Variants in SC5D observed in about 807,000 individuals in gnomAD.
The protein encoded by SC5D is sterol-C5-desaturase, also known as lathosterol oxidase.
SC5D carries 21 observed loss-of-function variants against 23.9 expected under a neutral mutation model. That is an observed-to-expected ratio of 0.88 (90% confidence interval 0.62 to 1.26). The LOEUF is 1.26. Ranked by LOEUF, SC5D falls within the 50% of genes most tolerant of loss-of-function variation. The probability of loss-of-function intolerance (pLI) is 0.00; values close to 1 mark genes in which losing one functional copy is unlikely to be tolerated. For missense variants in SC5D, 309 were observed against 364.8 expected, an observed-to-expected ratio of 0.85 and a Z score of 1.25; for synonymous variants, 113 against 125.9, an observed-to-expected ratio of 0.90 and a Z score of 0.68.
rs182670074 is a variant in SC5D, at chr11:121,310,662, G to A, written c.*3150G>A. The stretch of plus-strand genomic sequence containing the variant: ...TTTTTAGTAGAGATGGGGTTTCACC[G>A]TGTTAGCCAGGATGGTCTTGATCTC... On this transcript the variant is annotated 3_prime_UTR_variant, in exon 5 of 5. Transcript: ENST00000264027. 3.9e-5 allele frequency among the ~76,000 whole-genome samples: 6 copies of A among 152,004 alleles called. No homozygotes were observed. Among genetic ancestry groups the A allele is most frequent in the South Asian group, 2.1e-4 (1 of 4,812 alleles).
Position 121,307,186 on chromosome 11 carries a change from G to A in SC5D, c.574G>A (p.Val192Met), listed in dbSNP as rs773269151. The A allele has an allele frequency of 6.2e-7, 1 of 1,613,944 alleles. No individual in the cohort carries two copies. The highest frequency in any genetic ancestry group is 1.7e-5 in the Admixed American group (1 of 59,988). The change falls in exon 5 of 5, where the codon GTG (valine) becomes ATG (methionine). Residue 192 changes from valine to methionine, a missense_variant. By Grantham distance (21) the Val-to-Met change is conservative (BLOSUM62 1). Transcript: ENST00000264027. ...CCCTTTTATCTTTCCATTACACAAG[G>A]TGGTTTATTTAAGTCTGTACATCTT... ...IYPFIFPLHK[V>M]VYLSLYILVN...
At chr11:121,301,785 CAAAA>C (rs1284734177) in intron 1 of SC5D, among the ~76,000 whole-genome samples, 2 of 150,750 alleles carry the variant, frequency 1.3e-5, no homozygotes, top group African/African-American at 2.4e-5. Context: ...TCTTTAAAAA[CAAAA>C]AAAGGAGGAG....
In SC5D at chr11:121,293,997, A is replaced by G. The variant is rs544145527; in HGVS notation, c.-11+1181A>G. ...TAAAGTGGGGAGCATAGAAGTACCT[A>G]TCTCATAGAGGTATAGGGATTAGAT... On this transcript the variant is annotated intron_variant, in intron 1 of 4. Transcript: ENST00000264027. Among the ~76,000 whole-genome samples the G allele has an allele frequency of 4.6e-5, 7 of 152,332 alleles. No individual in the cohort carries two copies. The East Asian group carries it at 5.8e-4, about 13-fold the overall frequency.
rs113100154 is a variant in SC5D, at chr11:121,296,238, G to C, written c.-11+3422G>C. On this transcript the variant is annotated intron_variant, in intron 1 of 4. Coordinates refer to ENST00000264027, the MANE Select transcript of SC5D (RefSeq NM_006918.5). ...TCTGATTGTATCTTTTTCCTACCTA[G>C]AAATCTTTAGTGTCTCCTCATAGCG... is the stretch of plus-strand genomic sequence containing the variant. Among the ~76,000 whole-genome samples the C allele has an allele frequency of 2.0e-3, 297 of 152,226 alleles. 2 individuals are homozygous for C. The highest frequency in any genetic ancestry group is 5.5e-3 in the African/African-American group (227 of 41,542).
At chr11:121,306,768 G>A (rs564467992) in intron 4 of SC5D, 87 of 615,898 alleles carry the variant, frequency 1.4e-4, no homozygotes, top group African/African-American at 1.3e-3. Flanking sequence ...GAGGAGTGAG[G>A]GATGAGACGC....
chr11:121,304,294 C>T (rs762503690), intron 2 of SC5D, 67 bp from the exon 3 acceptor site: 3 of 1,454,010 alleles, frequency 2.1e-6, no homozygotes, highest in Non-Finnish European at 1.9e-6. Context: ...CAGTCCAGAA[C>T]AGTTTTATGC....
chr11:121,300,380 G>A (rs982632840), intron 1 of SC5D, among the ~76,000 whole-genome samples: 1 of 152,126 alleles, frequency 6.6e-6, no homozygotes, highest in African/African-American at 2.4e-5. Context: ...TGGATGGAAG[G>A]TACAGAATAG....
chr11:121,306,409 A>T lies in SC5D; in HGVS notation c.367A>T (p.Ile123Leu), dbSNP rs138907200. The change falls in exon 4 of 5, where the codon ATA (isoleucine) becomes TTA (leucine). Residue 123 changes from isoleucine (I) to leucine (L), a missense_variant. Ile to Leu is a conservative substitution (Grantham distance 5). Transcript: ENST00000264027. ...PYGLFELVVS[I>L]ISFLFFTDMF... ...AGGATTGTTTGAACTTGTCGTTAGT[A>T]TAATATCTTTCCTCTTTTTCACTGA... 18 of 1,573,946 alleles carry T rather than the reference A, an allele frequency of 1.1e-5. No individual in the cohort carries two copies. The highest frequency in any genetic ancestry group is 1.6e-5 in the Non-Finnish European group (18 of 1,143,710).
At chr11:121,300,064 A>T (rs1947915502) in intron 1 of SC5D, among the ~76,000 whole-genome samples, 1 of 152,216 alleles carries the variant, frequency 6.6e-6, no homozygotes, top group Non-Finnish European at 1.5e-5. Flanking sequence ...CCTGTATTAT[A>T]AAAAAGGAGA....
chr11:121,296,991 A>G (rs1033686859), intron 1 of SC5D, among the ~76,000 whole-genome samples: 11 of 152,220 alleles, frequency 7.2e-5, no homozygotes, highest in Non-Finnish European at 1.0e-4. Context: ...TTCTAAATAT[A>G]TGGAATGATG....
chr11:121,304,605 T>C, intron 3 of SC5D, 112 bp downstream of exon 3: 8 of 946,140 alleles, frequency 8.5e-6, no homozygotes, highest in Non-Finnish European at 1.3e-5. Context: ...TTACAAATTA[T>C]TCAGTTGTTT....
At position 121,297,624 on chromosome 11, in the gene SC5D, A is replaced by G. The variant is rs557166174; in HGVS notation, c.-11+4808A>G. On this transcript the variant is annotated intron_variant, in intron 1 of 4. Coordinates refer to ENST00000264027, the MANE Select transcript of SC5D (RefSeq NM_006918.5). ...GGGAACTACCACCACATGTGACTTAAAGAATAGAAAAACAGATCGTGGACG... is the reference window on the plus strand; with the variant it reads ...GGGAACTACCACCACATGTGACTTAGAGAATAGAAAAACAGATCGTGGACG... Among the ~76,000 whole-genome samples the G allele has an allele frequency of 7.9e-5, 12 of 152,326 alleles. 1 individual carries two copies. In the South Asian group the frequency reaches 2.3e-3, roughly 29 times the overall value.
intron 1 of SC5D, among the ~76,000 whole-genome samples, chr11:121,296,021 G>A (rs978661580): frequency 3.9e-5 from 6 of 152,122 alleles, no homozygotes; most frequent in Admixed American, 3.3e-4. Context: ...GCTTCTCACC[G>A]ATAACCCATA....
chr11:121,297,086 T>C (rs1213949189), intron 1 of SC5D, among the ~76,000 whole-genome samples: 1 of 152,226 alleles, frequency 6.6e-6, no homozygotes, highest in East Asian at 1.9e-4. Context: ...GAAAGTTTGA[T>C]GATATCCCCT....
intron 1 of SC5D, among the ~76,000 whole-genome samples, chr11:121,293,778 G>T (rs1280795891): frequency 6.6e-6 from 1 of 152,086 alleles, no homozygotes; most frequent in Non-Finnish European, 1.5e-5. Flanking sequence ...TTTTCCATTC[G>T]TTATGTAATG....
chr11:121,296,758 G>A (rs1277680633), intron 1 of SC5D, among the ~76,000 whole-genome samples: 2 of 152,174 alleles, frequency 1.3e-5, no homozygotes, highest in African/African-American at 4.8e-5. Context: ...ACAATGGCAT[G>A]TATGATGAGG....
chr11:121,306,256 T>C (rs982205426), intron 3 of SC5D, 130 bp from the exon 4 acceptor site: 14 of 686,442 alleles, frequency 2.0e-5, no homozygotes, highest in Admixed American at 1.7e-4. Context: ...ATATACTGAA[T>C]TAGCCAGAAC....
chr11:121,304,287 T>G (rs1947946425), intron 2 of SC5D, 74 bp from the exon 3 acceptor site: 2 of 1,407,532 alleles, frequency 1.4e-6, no homozygotes. Flanking sequence ...AAAAATCCAG[T>G]CCAGAACAGT....
rs1565568906 is a variant in SC5D at position 121,303,491 on chromosome 11, A to G, written c.116A>G (p.Asn39Ser). The G allele has an allele frequency of 1.2e-6, 2 of 1,613,974 alleles. No individual in the cohort carries two copies. Among genetic ancestry groups the G allele is most frequent in the East Asian group, 2.2e-5 (1 of 44,860 alleles). ...GCTATTAGTCTTCTGATTGTAACAA[A>G]TGTTGGTGCTTACATCCTTTATTTC... ...RQAISLLIVT[N>S]VGAYILYFFC... is the part of the protein sequence containing the mutation. Residue 39 changes from asparagine to serine, a missense_variant, in exon 2 of 5, where the codon AAT (asparagine) becomes AGT (serine). Coordinates refer to ENST00000264027, the MANE Select transcript of SC5D (RefSeq NM_006918.5).
Sources: gnomAD v4.1 joint callset for allele counts (sites outside exome capture counted in the v4.1 genomes callset) on GRCh38, gnomAD v4.1.1 for gene constraint, MANE v1.5 for transcripts, NCBI Gene and HGNC (gene_info 2026-07-23, HGNC 2026-07-21) for gene names.